Variants in GFRA2 observed in about 807,000 individuals in gnomAD.
GFRA2 encodes GDNF family receptor alpha-2.
A neutral mutation model predicts 48.3 loss-of-function variants in GFRA2; 17 were observed. That is an observed-to-expected ratio of 0.35 (90% confidence interval 0.24 to 0.53). GFRA2 has a LOEUF of 0.53. Ranked by LOEUF, GFRA2 falls within the 20% of genes least tolerant of loss-of-function variation. GFRA2 has a pLI of 0.93. For synonymous variants in GFRA2, 305 were observed against 257.2 expected (o/e 1.19, Z -1.78); for missense variants, 660 against 637.3 (o/e 1.04, Z -0.38).
upstream of GFRA2, among the ~76,000 whole-genome samples, chr8:21,789,538 C>T (rs1318974430): frequency 6.6e-6 from 1 of 152,138 alleles, no homozygotes; most frequent in Non-Finnish European, 1.5e-5. Context: ...TCCCTGCGCC[C>T]AGGAGCCGAG....
At chr8:21,760,976 T>C (rs1211760553) in intron 3 of GFRA2, among the ~76,000 whole-genome samples, 2 of 152,060 alleles carry the variant, frequency 1.3e-5, no homozygotes, top group Non-Finnish European at 2.9e-5. Context: ...CAATGAGATG[T>C]AGAATAAATA....
chr8:21,775,541 C>T (rs1806650238), intron 2 of GFRA2, among the ~76,000 whole-genome samples: 1 of 152,176 alleles, frequency 6.6e-6, no homozygotes, highest in Non-Finnish European at 1.5e-5. Flanking sequence ...CCTGGAAGGG[C>T]CAGAGTTAGA....
intron 4 of GFRA2, among the ~76,000 whole-genome samples, chr8:21,747,268 G>A (rs1391600704): frequency 6.6e-6 from 1 of 152,136 alleles, no homozygotes; most frequent in Non-Finnish European, 1.5e-5. Context: ...CCTGTTTGGG[G>A]GAGTTATTTG....
At chr8:21,800,575 A>G (rs753117958) in intron 2 of GFRA2, among the ~76,000 whole-genome samples, 37 of 152,206 alleles carry the variant, frequency 2.4e-4, no homozygotes, top group Non-Finnish European at 4.6e-4. Flanking sequence ...GTAACTGAGA[A>G]GCCCTCTATC....
At chr8:21,735,925 T>C (rs545523950) in intron 4 of GFRA2, among the ~76,000 whole-genome samples, 114 of 152,334 alleles carry the variant, frequency 7.5e-4, no homozygotes, top group African/African-American at 2.5e-3. Flanking sequence ...AGTGTTTGGA[T>C]TCCAGGTGTA....
At chr8:21,766,127 C>T (rs1806139002) in intron 3 of GFRA2, among the ~76,000 whole-genome samples, 1 of 152,160 alleles carries the variant, frequency 6.6e-6, no homozygotes, top group African/African-American at 2.4e-5. Flanking sequence ...ATGTGCTTCC[C>T]TGGGTCCCAC....
rs371238938 is a variant in GFRA2, at chr8:21,774,942, C to T, written c.439+30G>A. ...CCATGCCACAGGGACGAGAGGAGAACGGGCCAAGTCCCAGTGCGAGCTCAC... is the reference window on the plus strand; with the variant it reads ...CCATGCCACAGGGACGAGAGGAGAATGGGCCAAGTCCCAGTGCGAGCTCAC... On this transcript the variant is annotated intron_variant, in intron 3 of 8. Coordinates refer to ENST00000524240, the MANE Select transcript of GFRA2 (RefSeq NM_001495.5). 371 of 1,283,078 alleles carry T rather than the reference C, an allele frequency of 2.9e-4. No homozygotes were observed. In the African/African-American group the frequency reaches 3.8e-3, roughly 13 times the overall value. 79.5% of individuals were successfully genotyped at this position (1,283,078 alleles called of 1,614,324 possible).
At chr8:21,776,506 C>T (rs2117714672) in intron 2 of GFRA2, among the ~76,000 whole-genome samples, 1 of 150,180 alleles carries the variant, frequency 6.7e-6, no homozygotes, top group Admixed American at 6.6e-5. Context: ...GTCTCACTCT[C>T]ACCCAGGCTG....
intron 2 of GFRA2, among the ~76,000 whole-genome samples, chr8:21,802,252 A>T (rs1483700527): frequency 6.6e-6 from 1 of 152,154 alleles, no homozygotes; most frequent in Non-Finnish European, 1.5e-5. Flanking sequence ...AGGGACAATG[A>T]CACCTGCCCT....
intron 2 of GFRA2, among the ~76,000 whole-genome samples, chr8:21,795,537 C>A (rs932199060): frequency 2.0e-5 from 3 of 152,040 alleles, no homozygotes; most frequent in African/African-American, 7.2e-5. Context: ...GAATTACAGG[C>A]GTGTGCTGCC....
At chr8:21,722,227 C>A (rs1357569023) in intron 4 of GFRA2, among the ~76,000 whole-genome samples, 3 of 152,162 alleles carry the variant, frequency 2.0e-5, no homozygotes, top group Non-Finnish European at 4.4e-5. Context: ...GGACTCCCTG[C>A]CCTGTCTGCC....
chr8:21,728,061 A>G (rs1803971219), intron 4 of GFRA2, among the ~76,000 whole-genome samples: 3 of 152,062 alleles, frequency 2.0e-5, no homozygotes, highest in Admixed American at 2.0e-4. Context: ...TAGATGGTAG[A>G]AAGTAATTTA....
At position 21,750,057 on chromosome 8, in the gene GFRA2, ATATATGTG is replaced by A. The variant is rs1805206402; in HGVS notation, c.794+523_794+530del. On this transcript the variant is annotated intron_variant, in intron 4 of 8. Transcript: ENST00000524240. This position sits in a 1 kb window ranked among gnomAD's most constrained non-coding sequence, Gnocchi z 5.7. ...AGCTCTATATAATATATGTAAGTAT[ATATATGTG>A]TATATATGTGTGTGTGTGTGTATAC... 7.0e-6 allele frequency among the ~76,000 whole-genome samples: 1 copy of A among 143,770 alleles called. No homozygotes were observed. Among genetic ancestry groups the A allele is most frequent in the African/African-American group, 2.6e-5 (1 of 38,866 alleles). The allele number at this position is 143,770 out of a possible 152,430, so 94.3% of individuals were successfully genotyped here.
In GFRA2 at chr8:21,729,527, T is replaced by C. The variant is rs1008284347; in HGVS notation, c.794+21061A>G. On this transcript the variant is annotated intron_variant, in intron 4 of 8. Coordinates refer to ENST00000524240, the MANE Select transcript of GFRA2 (RefSeq NM_001495.5). ...CCCTGCCCTTCCTCGCACTTACAGA[T>C]TTCCCCTCTTCACATCCGCAGAGAA... Among the ~76,000 whole-genome samples the C allele has an allele frequency of 2.3e-4, 35 of 152,024 alleles. 1 individual carries two copies.
intron 4 of GFRA2, among the ~76,000 whole-genome samples, chr8:21,730,004 G>A (rs1260826047): frequency 6.6e-6 from 1 of 152,150 alleles, no homozygotes; most frequent in East Asian, 1.9e-4. Context: ...GGGAGGAGGA[G>A]GAGGAGCTGC....
chr8:21,774,886 G>C, intron 3 of GFRA2, 86 bp downstream of exon 3: 2 of 749,340 alleles, frequency 2.7e-6, no homozygotes, highest in East Asian at 5.0e-5. Context: ...TCGGACGCCA[G>C]GATGCCTGTC....
intron 2 of GFRA2, among the ~76,000 whole-genome samples, chr8:21,804,714 G>A (rs59355642): frequency 0.019 from 2,937 of 152,260 alleles, 77 homozygotes; most frequent in African/African-American, 0.062. Context: ...GTGGGGCAGC[G>A]ACATCAATAA....
chr8:21,746,251 T>C (rs1247211429), intron 4 of GFRA2, among the ~76,000 whole-genome samples: 1 of 152,132 alleles, frequency 6.6e-6, no homozygotes, highest in Admixed American at 6.5e-5. Flanking sequence ...TCCGGATGCA[T>C]GTCTCAATGC....
intron 4 of GFRA2, among the ~76,000 whole-genome samples, chr8:21,747,009 A>T (rs1191117464): frequency 6.6e-6 from 1 of 152,098 alleles, no homozygotes; most frequent in Non-Finnish European, 1.5e-5. Context: ...CCTCTACCTG[A>T]GATGCCTAGT....
Sources: allele counts gnomAD v4.1 joint callset (sites outside exome capture counted in the v4.1 genomes callset), GRCh38; gene constraint gnomAD v4.1.1; non-coding constraint Gnocchi (gnomAD v3.1); transcripts MANE v1.5; gene names NCBI Gene and HGNC (gene_info 2026-07-23, HGNC 2026-07-21).